Variants in TAFA4 observed in about 807,000 individuals in gnomAD.
TAFA4 encodes TAFA chemokine like family member 4.
TAFA4 carries 20 observed loss-of-function variants against 21.1 expected under a neutral mutation model. The observed-to-expected ratio is 0.95, with a 90% CI of 0.67 to 1.38. TAFA4 has a LOEUF of 1.38. Among genes scored for constraint, TAFA4 ranks in the 40% most tolerant of loss-of-function variants. TAFA4 has a pLI of 0.00. For synonymous variants in TAFA4, 71 were observed against 67.4 expected, an observed-to-expected ratio of 1.05 and a Z score of -0.26; for missense variants, 211 against 180.9, an observed-to-expected ratio of 1.17 and a Z score of -0.95.
chr3:68,900,612 T>C (rs2089836327), intron 1 of TAFA4, among the ~76,000 whole-genome samples: 1 of 152,162 alleles, frequency 6.6e-6, no homozygotes, highest in South Asian at 2.1e-4. Context: ...TGCCTTTTTA[T>C]ACTCTCGTGA....
intron 3 of TAFA4, among the ~76,000 whole-genome samples, chr3:68,793,159 T>C (rs1269962046): frequency 6.6e-6 from 1 of 152,190 alleles, no homozygotes; most frequent in Non-Finnish European, 1.5e-5. Context: ...TTTATCCAAA[T>C]GTACCCTGGG....
At chr3:68,790,505 A>G (rs1559521905) in intron 3 of TAFA4, among the ~76,000 whole-genome samples, 2 of 152,222 alleles carry the variant, frequency 1.3e-5, no homozygotes, top group African/African-American at 4.8e-5. Context: ...AGATAAAGTG[A>G]GAATACTCAT....
At chr3:68,766,845 T>A (rs1281796542) in intron 3 of TAFA4, among the ~76,000 whole-genome samples, 1 of 152,110 alleles carries the variant, frequency 6.6e-6, no homozygotes, top group Non-Finnish European at 1.5e-5. Context: ...TGTGAGAGCT[T>A]TGAAAAGCCA....
At chr3:68,845,277 T>G (rs1035716956) in intron 3 of TAFA4, among the ~76,000 whole-genome samples, 1 of 152,218 alleles carries the variant, frequency 6.6e-6, no homozygotes, top group African/African-American at 2.4e-5. Flanking sequence ...CCCTTGTGTT[T>G]TTTTTAATCT....
At chr3:68,833,114 GC>G (rs1397649147) in intron 3 of TAFA4, among the ~76,000 whole-genome samples, 1 of 152,216 alleles carries the variant, frequency 6.6e-6, no homozygotes, top group African/African-American at 2.4e-5. Context: ...GTCACTCACA[GC>G]TTCCCTTGGC....
At chr3:68,847,243 C>A (rs1489704225) in intron 3 of TAFA4, among the ~76,000 whole-genome samples, 1 of 152,240 alleles carries the variant, frequency 6.6e-6, no homozygotes, top group Non-Finnish European at 1.5e-5. Flanking sequence ...GAGAGGAAGT[C>A]TGCTTACAGT....
intron 1 of TAFA4, among the ~76,000 whole-genome samples, chr3:68,928,599 G>A (rs2090131429): frequency 1.3e-5 from 2 of 152,090 alleles, no homozygotes; most frequent in African/African-American, 4.8e-5. Flanking sequence ...GTTTATAACT[G>A]TGGATACTGT....
intron 1 of TAFA4, among the ~76,000 whole-genome samples, chr3:68,924,186 C>T (rs1323114098): frequency 6.6e-6 from 1 of 152,096 alleles, no homozygotes; most frequent in East Asian, 1.9e-4. Flanking sequence ...GTTTGTATAC[C>T]TATGTTCATA....
chr3:68,748,282 T>C lies in TAFA4; in HGVS notation c.286+4581A>G, dbSNP rs115982323. Among the ~76,000 whole-genome samples the C allele has an allele frequency of 5.2e-3, 785 of 152,344 alleles. 16 individuals are homozygous for C. The East Asian group carries it at 0.056, about 11-fold the overall frequency. ...TGTTTTGGCAAAATCCTCTCTGTCATTCATGTGTCTGCACTGAGAAAAATA... is the reference window on the plus strand; with the variant it reads ...TGTTTTGGCAAAATCCTCTCTGTCACTCATGTGTCTGCACTGAGAAAAATA... On this transcript the variant is annotated intron_variant, in intron 4 of 5. Coordinates refer to ENST00000295569, the MANE Select transcript of TAFA4 (RefSeq NM_182522.5).
At chr3:68,890,608 A>G (rs1045335137) in intron 1 of TAFA4, among the ~76,000 whole-genome samples, 3 of 152,224 alleles carry the variant, frequency 2.0e-5, no homozygotes, top group Non-Finnish European at 4.4e-5. Context: ...TTACATCACG[A>G]TATGGCATAG....
chr3:68,795,860 C>T (rs539331723), intron 3 of TAFA4, among the ~76,000 whole-genome samples: 4 of 152,138 alleles, frequency 2.6e-5, no homozygotes, highest in Non-Finnish European at 5.9e-5. Context: ...TTTGGGAAGA[C>T]ATTCCAGGTA....
At chr3:68,895,917 T>C (rs987361353) in intron 1 of TAFA4, among the ~76,000 whole-genome samples, 4 of 152,070 alleles carry the variant, frequency 2.6e-5, no homozygotes, top group Admixed American at 2.0e-4. Flanking sequence ...GGAAAAGAGG[T>C]TAGCTACTTG....
chr3:68,765,658 C>G (rs1427383473), intron 3 of TAFA4, among the ~76,000 whole-genome samples: 4 of 152,126 alleles, frequency 2.6e-5, no homozygotes, highest in Non-Finnish European at 5.9e-5. Context: ...TGTGTATCTT[C>G]TCTCTTTCCT....
chr3:68,803,797 C>T (rs1478460548), intron 3 of TAFA4, among the ~76,000 whole-genome samples: 276 of 81,476 alleles, frequency 3.4e-3, no homozygotes, highest in South Asian at 6.7e-3. Flanking sequence ...ATCTCTGATT[C>T]TTTTTTTTTT....
chr3:68,748,741 C>T (rs1010440539), intron 4 of TAFA4, among the ~76,000 whole-genome samples: 1 of 138,278 alleles, frequency 7.2e-6, no homozygotes, highest in African/African-American at 2.8e-5. Context: ...GAGACTCCGT[C>T]TCAAAAAAAA....
intron 3 of TAFA4, among the ~76,000 whole-genome samples, chr3:68,803,797 C>CTTTTGTTTTTTTTT (rs1703626586): frequency 1.2e-5 from 1 of 81,592 alleles, no homozygotes; most frequent in African/African-American, 5.0e-5. Context: ...ATCTCTGATT[C>CTTTTGTTTTTTTTT]TTTTTTTTTT....
chr3:68,899,127 T>C (rs577677742), intron 1 of TAFA4, among the ~76,000 whole-genome samples: 2 of 152,354 alleles, frequency 1.3e-5, no homozygotes, highest in South Asian at 2.1e-4. Flanking sequence ...TACTTTTTCA[T>C]GTGTAAACTT....
intron 3 of TAFA4, among the ~76,000 whole-genome samples, chr3:68,873,665 G>A (rs905274275): frequency 1.3e-5 from 2 of 152,158 alleles, no homozygotes; most frequent in African/African-American, 4.8e-5. Flanking sequence ...ATGTTCACAT[G>A]TTCATTTCTC....
In TAFA4 at chr3:68,857,685, T is replaced by C. The variant is rs1283656888; in HGVS notation, c.130+23045A>G. Among the ~76,000 whole-genome samples, 8 of 152,118 alleles carry C rather than the reference T, an allele frequency of 5.3e-5. No individual in the cohort carries two copies. The East Asian group carries it at 1.3e-3, about 26-fold the overall frequency. Reference sequence around the variant, plus strand: ...TCCTGAGATGAAGACCACTCTGACATAGCACTGGCCATCACAAACATAATT... The same window carrying C: ...TCCTGAGATGAAGACCACTCTGACACAGCACTGGCCATCACAAACATAATT... On this transcript the variant is annotated intron_variant, in intron 3 of 5. Coordinates refer to ENST00000295569, the MANE Select transcript of TAFA4 (RefSeq NM_182522.5).
Sources: allele counts gnomAD v4.1 joint callset (sites outside exome capture counted in the v4.1 genomes callset), GRCh38; gene constraint gnomAD v4.1.1; transcripts MANE v1.5; gene names NCBI Gene and HGNC (gene_info 2026-07-23, HGNC 2026-07-21).